Variants in PPP1R1C observed in about 807,000 individuals in gnomAD.
The protein encoded by PPP1R1C is protein phosphatase 1 regulatory subunit 1C.
PPP1R1C carries 15 observed loss-of-function variants against 17.4 expected under a neutral mutation model. The ratio of observed to expected loss-of-function variants is 0.86; its 90% confidence interval spans 0.58 to 1.33. PPP1R1C has a LOEUF of 1.33. Among genes scored for constraint, PPP1R1C ranks in the 40% most tolerant of loss-of-function variants. PPP1R1C has a pLI of 0.00. For missense variants in PPP1R1C, 143 were observed against 130.0 expected (o/e 1.10, Z -0.48); for synonymous variants, 35 against 43.1 (o/e 0.81, Z 0.73).
intron 2 of PPP1R1C, among the ~76,000 whole-genome samples, chr2:182,029,309 G>C (rs373603026): frequency 6.1e-4 from 93 of 151,940 alleles, no homozygotes; most frequent in Admixed American, 3.6e-3. Flanking sequence ...TCCTAGTCTC[G>C]ATGGTCTTTA....
intron 2 of PPP1R1C, among the ~76,000 whole-genome samples, chr2:182,029,503 T>C (rs1233697867): frequency 2.0e-5 from 3 of 150,108 alleles, no homozygotes; most frequent in Admixed American, 6.6e-5. Context: ...AAATTCTGGG[T>C]TGAAAATTCT....
intron 2 of PPP1R1C, among the ~76,000 whole-genome samples, chr2:182,012,620 G>C (rs1686118259): frequency 6.6e-6 from 1 of 151,854 alleles, no homozygotes; most frequent in Admixed American, 6.6e-5. Context: ...GTTATTATTG[G>C]CAAGTAAGGA....
At chr2:182,081,596 A>C (rs1381710817) in intron 4 of PPP1R1C, among the ~76,000 whole-genome samples, 1 of 152,232 alleles carries the variant, frequency 6.6e-6, no homozygotes, top group Non-Finnish European at 1.5e-5. Flanking sequence ...CAAATGAGAG[A>C]AACTTAATTC....
intron 2 of PPP1R1C, among the ~76,000 whole-genome samples, chr2:181,995,506 G>A (rs1153742): frequency 0.24 from 36,758 of 152,112 alleles, 5,017 homozygotes; most frequent in Admixed American, 0.4. Flanking sequence ...AAGAACTCTA[G>A]TCTGAGTCCA....
chr2:182,041,890 A>G (rs1054222165), intron 2 of PPP1R1C, among the ~76,000 whole-genome samples: 5 of 152,096 alleles, frequency 3.3e-5, no homozygotes, highest in Admixed American at 3.3e-4. Flanking sequence ...TAGTGCTTAA[A>G]GTTTAATTTA....
chr2:182,042,714 C>T (rs1687221990), intron 2 of PPP1R1C, among the ~76,000 whole-genome samples: 1 of 152,154 alleles, frequency 6.6e-6, no homozygotes, highest in Non-Finnish European at 1.5e-5. Context: ...AATTGTAATG[C>T]CTTATACCTT....
At chr2:182,029,533 T>A (rs1686746687) in intron 2 of PPP1R1C, among the ~76,000 whole-genome samples, 1 of 147,694 alleles carries the variant, frequency 6.8e-6, no homozygotes, top group Non-Finnish European at 1.5e-5. Context: ...GAATGTTGAA[T>A]ATTGGCCCCC....
rs112036506 is a variant in PPP1R1C, at chr2:182,103,099, G to A, written c.242-14108G>A. Reference sequence around the variant, plus strand: ...GATTACAGGTGTGAGCCCCGCTTCCGGCCAAGCCGTGATCTTAAAGCAATT... The same window carrying A: ...GATTACAGGTGTGAGCCCCGCTTCCAGCCAAGCCGTGATCTTAAAGCAATT... On this transcript the variant is annotated intron_variant, in intron 4 of 4. Coordinates refer to ENST00000682840, the MANE Select transcript of PPP1R1C (RefSeq NM_001080545.3). Among the ~76,000 whole-genome samples, 65 of 152,214 alleles carry A rather than the reference G, an allele frequency of 4.3e-4. 2 individuals are homozygous for A. The highest frequency in any genetic ancestry group is 1.4e-3 in the African/African-American group (59 of 41,540).
At position 182,063,747 on chromosome 2, in the gene PPP1R1C, C is replaced by T; in HGVS notation, c.197C>T (p.Pro66Leu). ...NTQGELQNAS[P>L]KQRKQSVYTP... ...TCTCCACAGTTACAGAATGCATCCCCTAAGCAAAGGAAGCAGAGTGTGTAC... is the reference window on the plus strand; with the variant it reads ...TCTCCACAGTTACAGAATGCATCCCTTAAGCAAAGGAAGCAGAGTGTGTAC... Residue 66 changes from proline (P) to leucine (L), a missense_variant, in exon 4 of 5, where the codon CCT becomes CTT. Physicochemically the swap from Pro to Leu is moderately conservative, Grantham distance 98 (BLOSUM62 -3). Coordinates refer to ENST00000682840, the MANE Select transcript of PPP1R1C (RefSeq NM_001080545.3). The T allele has an allele frequency of 6.2e-7, 1 of 1,612,814 alleles. No homozygotes were observed. The highest frequency in any genetic ancestry group is 8.5e-7 in the Non-Finnish European group (1 of 1,179,084).
intron 1 of PPP1R1C, among the ~76,000 whole-genome samples, chr2:181,963,145 T>A (rs957746681): frequency 7.9e-5 from 12 of 152,192 alleles, no homozygotes; most frequent in Non-Finnish European, 1.6e-4. Flanking sequence ...ATACAAACAT[T>A]ATCTAACAAT....
chr2:182,105,257 G>A (rs760898213), intron 4 of PPP1R1C, among the ~76,000 whole-genome samples: 4 of 152,134 alleles, frequency 2.6e-5, no homozygotes, highest in Admixed American at 1.3e-4. Flanking sequence ...GGAGTGAATA[G>A]CATTCTGAGA....
intron 4 of PPP1R1C, among the ~76,000 whole-genome samples, chr2:182,064,772 A>AT (rs1559078384): frequency 6.6e-6 from 1 of 150,990 alleles, no homozygotes; most frequent in Non-Finnish European, 1.5e-5. Context: ...TTCCAGGGTA[A>AT]TTATTGAGAC....
chr2:181,958,035 A>G (rs559163764), intron 1 of PPP1R1C, among the ~76,000 whole-genome samples: 1 of 152,332 alleles, frequency 6.6e-6, no homozygotes, highest in East Asian at 1.9e-4. Context: ...CACCCGTGTG[A>G]TAACTGGGTT....
intron 4 of PPP1R1C, among the ~76,000 whole-genome samples, chr2:182,116,158 A>G (rs532978167): frequency 6.6e-6 from 1 of 152,318 alleles, no homozygotes; most frequent in Admixed American, 6.5e-5. Context: ...GGAACTGCCA[A>G]ATGCATATAC....
At chr2:182,007,833 C>T (rs1364304677) in intron 2 of PPP1R1C, among the ~76,000 whole-genome samples, 6 of 152,128 alleles carry the variant, frequency 3.9e-5, no homozygotes, top group Admixed American at 2.6e-4. Context: ...GAGGCTGAGG[C>T]GGGTGGATCA....
At position 182,088,367 on chromosome 2, in the gene PPP1R1C, C is replaced by T. The variant is rs147709579; in HGVS notation, c.241+24576C>T. Among the ~76,000 whole-genome samples, 188 of 152,310 alleles carry T rather than the reference C, an allele frequency of 1.2e-3. 1 individual carries two copies. Among genetic ancestry groups the T allele is most frequent in the African/African-American group, 4.0e-3 (165 of 41,562 alleles). ...AAAACAAATACTTCTAACATGTTCT[C>T]GGACCTCTTGCTGTGAAAATCTTCT... On this transcript the variant is annotated intron_variant, in intron 4 of 4. Transcript: ENST00000682840.
At chr2:182,026,581 G>T (rs1308736521) in intron 2 of PPP1R1C, among the ~76,000 whole-genome samples, 1 of 151,352 alleles carries the variant, frequency 6.6e-6, no homozygotes, top group Non-Finnish European at 1.5e-5. Context: ...CTCTGTTTTG[G>T]TACCAGTACC....
At chr2:182,043,850 G>T (rs1687261397) in intron 2 of PPP1R1C, among the ~76,000 whole-genome samples, 1 of 151,942 alleles carries the variant, frequency 6.6e-6, no homozygotes, top group Non-Finnish European at 1.5e-5. Flanking sequence ...GACCCCCTAG[G>T]TGCTGAAGAC....
chr2:182,009,564 C>T (rs1218134593), intron 2 of PPP1R1C, among the ~76,000 whole-genome samples: 1 of 152,036 alleles, frequency 6.6e-6, no homozygotes, highest in African/African-American at 2.4e-5. Context: ...TATTTTCTCC[C>T]ATTCGGTGGG....
Sources: allele counts gnomAD v4.1 joint callset (sites outside exome capture counted in the v4.1 genomes callset), GRCh38; gene constraint gnomAD v4.1.1; transcripts MANE v1.5; gene names NCBI Gene and HGNC (gene_info 2026-07-23, HGNC 2026-07-21).